The following PPTC7 variants were observed in gnomAD, a reference collection of about 807,000 sequenced individuals.
PPTC7 encodes protein phosphatase PTC7 homolog.
In PPTC7, 6 loss-of-function variants were observed where a neutral mutation model predicts 30.8. The observed-to-expected ratio is 0.19, with a 90% CI of 0.11 to 0.38. The LOEUF is 0.38. PPTC7 is among the 10% of genes least tolerant of loss of function. PPTC7 has a pLI of 1.00. For missense variants in PPTC7, 218 were observed against 404.8 expected (o/e 0.54, Z 3.96); for synonymous variants, 163 against 168.1 (o/e 0.97, Z 0.23).
chr12:110,560,419 A>T (rs530878791), intron 1 of PPTC7, among the ~76,000 whole-genome samples: 42 of 152,198 alleles, frequency 2.8e-4, no homozygotes, highest in Non-Finnish European at 5.4e-4. Context: ...AAAAAATAAA[A>T]AAAGGTAGTT....
At chr12:110,557,305 G>T (rs2064397403) in intron 1 of PPTC7, among the ~76,000 whole-genome samples, 1 of 152,138 alleles carries the variant, frequency 6.6e-6, no homozygotes, top group Non-Finnish European at 1.5e-5. Flanking sequence ...AAGAGATGGG[G>T]TCTCACTCTA....
At chr12:110,550,223 ATTTTTT>A (rs796973487) in intron 2 of PPTC7, among the ~76,000 whole-genome samples, 2 of 103,024 alleles carry the variant, frequency 1.9e-5, no homozygotes, top group South Asian at 6.1e-4. Context: ...ACAGGGGCTG[ATTTTTT>A]TTTTTTTTTT....
At chr12:110,573,524 G>A (rs2064557413) in intron 1 of PPTC7, among the ~76,000 whole-genome samples, 1 of 152,138 alleles carries the variant, frequency 6.6e-6, no homozygotes, top group South Asian at 2.1e-4. Context: ...AATCCAACAT[G>A]TATTCTGTTT....
At chr12:110,574,599 G>C (rs1047775970) in intron 1 of PPTC7, among the ~76,000 whole-genome samples, 2 of 152,116 alleles carry the variant, frequency 1.3e-5, no homozygotes, top group Non-Finnish European at 2.9e-5. Context: ...AAACTAAATT[G>C]AAAGAGCTGT....
At position 110,565,178 on chromosome 12, in the gene PPTC7, C is replaced by G. The variant is rs1055432142; in HGVS notation, c.224-13210G>C. On this transcript the variant is annotated intron_variant, in intron 1 of 5. Coordinates refer to ENST00000354300, the MANE Select transcript of PPTC7 (RefSeq NM_139283.2). ...CACCACGCCTGGCCTATATTTTTTA[C>G]TCTATACATTGTTCAACTAAGTAAT... Among the ~76,000 whole-genome samples, 4 of 151,464 alleles carry G rather than the reference C, an allele frequency of 2.6e-5. No individual in the cohort carries two copies. In the East Asian group the frequency reaches 7.8e-4, roughly 30 times the overall value.
intron 1 of PPTC7, among the ~76,000 whole-genome samples, chr12:110,569,187 G>A (rs189636975): frequency 6.4e-4 from 98 of 152,084 alleles, no homozygotes; most frequent in African/African-American, 2.3e-3. Context: ...ACAAAAATTA[G>A]CCGGGCATGG....
chr12:110,557,489 G>C (rs1049079824), intron 1 of PPTC7, among the ~76,000 whole-genome samples: 2 of 152,028 alleles, frequency 1.3e-5, no homozygotes, highest in Non-Finnish European at 2.9e-5. Context: ...ATGTTGTCCA[G>C]GCTGGTCTCA....
intron 3 of PPTC7, among the ~76,000 whole-genome samples, chr12:110,543,890 C>T (rs1396914100): frequency 1.3e-5 from 2 of 152,334 alleles, no homozygotes; most frequent in East Asian, 3.9e-4. Context: ...CTGTCTGTCC[C>T]ACAGACAGTG....
chr12:110,545,623 T>C (rs191417167), intron 3 of PPTC7, among the ~76,000 whole-genome samples: 54 of 152,316 alleles, frequency 3.5e-4, no homozygotes, highest in African/African-American at 1.2e-3. Context: ...ATATGAAAAA[T>C]TGATATTCTG....
intron 1 of PPTC7, among the ~76,000 whole-genome samples, chr12:110,564,418 C>T: frequency 6.6e-6 from 1 of 152,278 alleles, no homozygotes; most frequent in East Asian, 1.9e-4. Context: ...CTGATATATG[C>T]CTACTTGTAC....
chr12:110,540,992 G>C (rs568359637), intron 3 of PPTC7, among the ~76,000 whole-genome samples: 1 of 151,514 alleles, frequency 6.6e-6, no homozygotes, highest in East Asian at 2.0e-4. Context: ...GGCCAGGATG[G>C]TCTTGATCTC....
At position 110,535,776 on chromosome 12, in the gene PPTC7, C is replaced by CA. The variant is rs2064213843; in HGVS notation, c.*1260dup. 1 of 152,552 alleles carries CA rather than the reference C, an allele frequency of 6.6e-6. No homozygotes were observed. The highest frequency in any genetic ancestry group is 1.5e-5 in the Non-Finnish European group (1 of 68,024). 9.4% of individuals were successfully genotyped at this position (152,552 alleles called of 1,614,324 possible). A position where few individuals can be genotyped will look rare whatever the true frequency, so the allele number is the denominator to read the frequency against. ...ATCTTTACAGCAGTCAACTTGTACA[C>CA]AAAACTTAAAAATAAGTTTCAGCTT... On this transcript the variant is annotated 3_prime_UTR_variant, in exon 6 of 6. Transcript: ENST00000354300.
intron 1 of PPTC7, among the ~76,000 whole-genome samples, chr12:110,573,904 C>A (rs977075329): frequency 1.3e-4 from 20 of 151,954 alleles, no homozygotes; most frequent in African/African-American, 4.6e-4. Context: ...TCGCTTGAAC[C>A]CGGGAGGCGG....
chr12:110,555,432 G>A (rs962683338), intron 1 of PPTC7, among the ~76,000 whole-genome samples: 1 of 152,200 alleles, frequency 6.6e-6, no homozygotes, highest in Non-Finnish European at 1.5e-5. Context: ...CGTTGTTGAA[G>A]CTGAATAAGA....
At chr12:110,574,673 T>C (rs964478858) in intron 1 of PPTC7, among the ~76,000 whole-genome samples, 2 of 152,326 alleles carry the variant, frequency 1.3e-5, no homozygotes, top group South Asian at 2.1e-4. Flanking sequence ...CCCTCTGCAA[T>C]AGGTCAGCTT....
intron 4 of PPTC7, among the ~76,000 whole-genome samples, chr12:110,538,743 C>G (rs969147157): frequency 1.3e-5 from 2 of 152,108 alleles, no homozygotes. Flanking sequence ...CCTTGCTGCT[C>G]CAACTTCCTC....
In PPTC7 at chr12:110,538,103, G is replaced by A. The variant is rs373406848; in HGVS notation, c.856+41C>T. On this transcript the variant is annotated intron_variant, in intron 5 of 5. Coordinates refer to ENST00000354300, the MANE Select transcript of PPTC7 (RefSeq NM_139283.2). ...GAATGCTCCACTCTACTGACACCAT[G>A]TCCCCAGTCAGTCCCTATGACCTTC... The A allele has an allele frequency of 3.0e-5, 48 of 1,602,830 alleles. 1 individual carries two copies. In the African/African-American group the frequency reaches 5.9e-4, roughly 20 times the overall value.
At chr12:110,539,769 C>A in intron 4 of PPTC7, 53 bp downstream of exon 4, 1 of 1,568,520 alleles carries the variant, frequency 6.4e-7, no homozygotes. Flanking sequence ...CCATAAAACT[C>A]AGCTATCCAG....
At chr12:110,550,208 G>A (rs1052943301) in intron 2 of PPTC7, among the ~76,000 whole-genome samples, 4 of 150,410 alleles carry the variant, frequency 2.7e-5, no homozygotes, top group East Asian at 1.9e-4. Context: ...CTCCATTAAC[G>A]CTAAACAGGG....
Sources: allele counts gnomAD v4.1 joint callset (sites outside exome capture counted in the v4.1 genomes callset), GRCh38; gene constraint gnomAD v4.1.1; transcripts MANE v1.5; gene names NCBI Gene and HGNC (gene_info 2026-07-23, HGNC 2026-07-21).